Variants in ELSPBP1 observed in about 807,000 individuals in gnomAD.
The protein encoded by ELSPBP1 is epididymal sperm binding protein 1, also known as epididymal sperm-binding protein 1.
ELSPBP1 carries 38 observed loss-of-function variants against 33.3 expected under a neutral mutation model. That is an observed-to-expected ratio of 1.14 (90% confidence interval 0.88 to 1.50). The LOEUF (loss-of-function observed/expected upper bound fraction) is 1.50, where lower values mean the gene tolerates loss of function less well. Among genes scored for constraint, ELSPBP1 ranks in the 40% most tolerant of loss-of-function variants. The pLI is 0.00. For synonymous variants in ELSPBP1, 85 were observed against 94.1 expected, an observed-to-expected ratio of 0.90 and a Z score of 0.56; for missense variants, 267 against 263.5, an observed-to-expected ratio of 1.01 and a Z score of -0.09.
At chr19:48,008,022 C>T (rs557833467) in intron 1 of ELSPBP1, among the ~76,000 whole-genome samples, 3 of 152,134 alleles carry the variant, frequency 2.0e-5, no homozygotes, top group Non-Finnish European at 4.4e-5. Context: ...GGAATACAGT[C>T]TGAGAAGTGC....
intron 3 of ELSPBP1, among the ~76,000 whole-genome samples, chr19:48,015,178 T>C (rs10401488): frequency 0.17 from 25,251 of 152,160 alleles, 2,158 homozygotes; most frequent in South Asian, 0.23. Flanking sequence ...GGAGGAAATA[T>C]GTTTGCTATC....
intron 4 of ELSPBP1, among the ~76,000 whole-genome samples, chr19:48,016,565 TTCC>T (rs780828731): frequency 0.36 from 34,496 of 96,602 alleles, 6,376 homozygotes; most frequent in East Asian, 0.62. Flanking sequence ...CCTTCCTTCC[TTCC>T]TCCCTTCATC....
At chr19:48,024,738 G>A (rs913614308) in intron 6 of ELSPBP1, among the ~76,000 whole-genome samples, 2 of 152,142 alleles carry the variant, frequency 1.3e-5, no homozygotes, top group Non-Finnish European at 2.9e-5. Flanking sequence ...CTTCCCCTTA[G>A]CATAGAGGTG....
At chr19:48,003,079 T>C (rs1485670592) in intron 1 of ELSPBP1, among the ~76,000 whole-genome samples, 1 of 152,130 alleles carries the variant, frequency 6.6e-6, no homozygotes, top group Admixed American at 6.6e-5. Flanking sequence ...GACAGAGGGT[T>C]CTCCAAGCAT....
intron 1 of ELSPBP1, among the ~76,000 whole-genome samples, chr19:47,995,284 G>T (rs1600098115): frequency 1.3e-5 from 2 of 152,158 alleles, no homozygotes; most frequent in East Asian, 3.9e-4. Context: ...TCAAAGAAAT[G>T]GGTTAAACCA....
Position 48,024,383 on chromosome 19 carries a change from A to T in ELSPBP1, c.*8-569A>T, listed in dbSNP as rs538269166. ...GCTCTGTGACTTCTGGAATCTAAATAAAAAAAGAGAAGCCCTTTCATCAGA... is the reference window on the plus strand; with the variant it reads ...GCTCTGTGACTTCTGGAATCTAAATTAAAAAAGAGAAGCCCTTTCATCAGA... On this transcript the variant is annotated intron_variant, in intron 6 of 6. Transcript: ENST00000339841. Among the ~76,000 whole-genome samples the T allele has an allele frequency of 1.7e-4, 26 of 152,238 alleles. No individual in the cohort carries two copies. The South Asian group carries it at 5.4e-3, about 32-fold the overall frequency.
In ELSPBP1 at chr19:48,002,125, G is replaced by A. The variant is rs1265585818; in HGVS notation, c.-17-6526G>A. Among the ~76,000 whole-genome samples the A allele has an allele frequency of 2.0e-5, 3 of 152,268 alleles. No homozygotes were observed. The East Asian group carries it at 5.8e-4, about 29-fold the overall frequency. ...CTATGAACGACACTAACATTCTGTA[G>A]CAGCAACAGTGATCACCATCCCTTC... On this transcript the variant is annotated intron_variant, in intron 1 of 6. Transcript: ENST00000339841.
chr19:48,022,305 A>G lies in ELSPBP1; in HGVS notation c.650A>G (p.Asp217Gly). Residue 217 changes from aspartate to glycine, a missense_variant, in exon 6 of 7, where the codon GAC becomes GGC. By Grantham distance (94) the Asp-to-Gly change is moderately conservative. Transcript: ENST00000339841. ...WCATSYNYDQ[D>G]HTWVYC ...GCAACTTCTTACAACTACGACCAAG[A>G]CCACACCTGGGTGTATTGCTGATGC... 3 of 1,612,708 alleles carry G rather than the reference A, an allele frequency of 1.9e-6. No individual in the cohort carries two copies. Among genetic ancestry groups the G allele is most frequent in the Non-Finnish European group, 2.5e-6 (3 of 1,179,354 alleles).
At chr19:47,997,655 A>G (rs1052189996) in intron 1 of ELSPBP1, among the ~76,000 whole-genome samples, 2 of 152,032 alleles carry the variant, frequency 1.3e-5, no homozygotes, top group Non-Finnish European at 2.9e-5. Context: ...TCCTGGTCTC[A>G]AGTGATCCTC....
chr19:48,009,989 T>A (rs1600105813), intron 2 of ELSPBP1, among the ~76,000 whole-genome samples: 1 of 151,892 alleles, frequency 6.6e-6, no homozygotes, highest in African/African-American at 2.4e-5. Flanking sequence ...GAGGAGAGGG[T>A]TTTTTGTTTG....
chr19:48,015,802 CTGTCCT>C, intron 3 of ELSPBP1, 85 bp from the exon 4 acceptor site: 1 of 1,243,560 alleles, frequency 8.0e-7, no homozygotes, highest in South Asian at 1.5e-5. Flanking sequence ...TATGTCTGTC[CTGTCCT>C]ATGATGGTTG....
chr19:48,018,344 T>C (rs1416087223), intron 4 of ELSPBP1, among the ~76,000 whole-genome samples: 1 of 152,146 alleles, frequency 6.6e-6, no homozygotes, highest in Non-Finnish European at 1.5e-5. Flanking sequence ...GGATTGATGG[T>C]GATGCCATAC....
intron 1 of ELSPBP1, among the ~76,000 whole-genome samples, chr19:48,001,655 G>A (rs938511207): frequency 6.6e-6 from 1 of 151,986 alleles, no homozygotes; most frequent in African/African-American, 2.4e-5. Flanking sequence ...TGATCCTCCT[G>A]CCTCAGCCTC....
intron 1 of ELSPBP1, among the ~76,000 whole-genome samples, chr19:47,998,164 A>T (rs1381506413): frequency 6.6e-6 from 1 of 152,146 alleles, no homozygotes; most frequent in Non-Finnish European, 1.5e-5. Context: ...CTGTAATCCC[A>T]GCACTTAGGG....
chr19:48,004,070 A>G (rs1424956138), intron 1 of ELSPBP1, among the ~76,000 whole-genome samples: 1 of 151,262 alleles, frequency 6.6e-6, no homozygotes, highest in Non-Finnish European at 1.5e-5. Flanking sequence ...CAGCCTCCCG[A>G]GTAGCTGGAA....
In ELSPBP1 at chr19:48,023,284, GGAGGAAAGGAAGGAAGGAGA is replaced by G. The variant is rs1057308248; in HGVS notation, c.*7+953_*7+972del. Among the ~76,000 whole-genome samples the G allele has an allele frequency of 5.8e-5, 8 of 136,910 alleles. No individual in the cohort carries two copies. In the East Asian group the frequency reaches 6.9e-4, roughly 12 times the overall value. The allele number at this position is 136,910 out of a possible 152,430, so 89.8% of individuals were successfully genotyped here. A position where few individuals can be genotyped will look rare whatever the true frequency, so the allele number is the denominator to read the frequency against. On this transcript the variant is annotated intron_variant, in intron 6 of 6. Coordinates refer to ENST00000339841, the MANE Select transcript of ELSPBP1 (RefSeq NM_022142.5). ...AGAGAGGGAGGAAAGAAGAAAGGAG[GGAGGAAAGGAAGGAAGGAGA>G]GAAGAAAGGAAGGAGAGAGGGAAAG...
At chr19:48,001,974 A>G (rs1966972644) in intron 1 of ELSPBP1, among the ~76,000 whole-genome samples, 1 of 152,120 alleles carries the variant, frequency 6.6e-6, no homozygotes. Flanking sequence ...TGGGATGACA[A>G]TTATGAGTTA....
At position 48,011,922 on chromosome 19, in the gene ELSPBP1, T is replaced by C. The variant is rs1032176029; in HGVS notation, c.71-2249T>C. Among the ~76,000 whole-genome samples the C allele has an allele frequency of 5.9e-5, 9 of 152,094 alleles. No individual in the cohort carries two copies. Among genetic ancestry groups the C allele is most frequent in the Admixed American group, 1.3e-4 (2 of 15,244 alleles). ...TACCAAACAGTTCTGAGAAACAAGG[T>C]GAAAAATGCAATGAACTAACAGTTG... On this transcript the variant is annotated intron_variant, in intron 2 of 6. Coordinates refer to ENST00000339841, the MANE Select transcript of ELSPBP1 (RefSeq NM_022142.5). This position sits in a 1 kb window ranked among gnomAD's most constrained non-coding sequence, Gnocchi z 4.5.
At position 48,013,247 on chromosome 19, in the gene ELSPBP1, C is replaced by T. The variant is rs1216280907; in HGVS notation, c.71-924C>T. On this transcript the variant is annotated intron_variant, in intron 2 of 6. Transcript: ENST00000339841. ...TTTATGCTCTGAGAAACAGTGGTCT[C>T]AAGGAACAACACACCACGGTTGTCT... Among the ~76,000 whole-genome samples the T allele has an allele frequency of 9.2e-5, 14 of 152,286 alleles. 1 individual carries two copies. In the South Asian group the frequency reaches 2.9e-3, roughly 32 times the overall value.
Sources: allele counts gnomAD v4.1 joint callset (sites outside exome capture counted in the v4.1 genomes callset), GRCh38; gene constraint gnomAD v4.1.1; non-coding constraint Gnocchi (gnomAD v3.1); transcripts MANE v1.5; gene names NCBI Gene and HGNC (gene_info 2026-07-23, HGNC 2026-07-21).